COL23A1: variants seen among roughly 807,000 people sequenced by gnomAD.
COL23A1 encodes the protein collagen alpha-1(XXIII) chain.
In COL23A1, 97 loss-of-function variants were observed where a neutral mutation model predicts 99.3. The ratio of observed to expected loss-of-function variants is 0.98; its 90% CI spans 0.83 to 1.16. The LOEUF is 1.16. Among genes scored for constraint, COL23A1 ranks in the 50% most tolerant of loss-of-function variants. COL23A1 has a pLI of 0.00. For missense variants in COL23A1, 762 were observed against 757.4 expected (o/e 1.01, Z -0.07); for synonymous variants, 320 against 308.2 (o/e 1.04, Z -0.40).
In COL23A1 at chr5:178,259,933, C is replaced by A. The variant is rs28397100; in HGVS notation, c.703-186G>T. ...TTGAATTCCACTTCTGAGCCACTCA[C>A]TCCCAAGCTCAATGACCCTGGGCAA... On this transcript the variant is annotated intron_variant, in intron 11 of 28. Transcript: ENST00000390654. 3.8e-3 allele frequency among the ~76,000 whole-genome samples: 586 copies of A among 152,340 alleles called. 2 individuals are homozygous for A. The highest frequency in any genetic ancestry group is 0.013 in the African/African-American group (524 of 41,576).
chr5:178,354,781 G>A (rs532359108), intron 2 of COL23A1, among the ~76,000 whole-genome samples: 1 of 152,274 alleles, frequency 6.6e-6, no homozygotes, highest in Admixed American at 6.5e-5. Flanking sequence ...TTTAGGTTGG[G>A]TGTGGTGGCT....
At chr5:178,573,227 CA>C (rs887293572) in intron 1 of COL23A1, among the ~76,000 whole-genome samples, 1 of 152,146 alleles carries the variant, frequency 6.6e-6, no homozygotes, top group Admixed American at 6.5e-5. Context: ...AAAAAAAAGG[CA>C]AACAACAAAA....
intron 3 of COL23A1, among the ~76,000 whole-genome samples, chr5:178,296,487 C>T (rs760324479): frequency 1.3e-5 from 2 of 152,176 alleles, no homozygotes; most frequent in Non-Finnish European, 2.9e-5. Context: ...ACGACCCCCG[C>T]GGATCCCACG....
intron 2 of COL23A1, among the ~76,000 whole-genome samples, chr5:178,543,711 C>T (rs986376084): frequency 4.6e-5 from 7 of 152,114 alleles, no homozygotes; most frequent in Non-Finnish European, 8.8e-5. Context: ...TTCACCAAAA[C>T]GGCCTGTCTT....
chr5:178,308,682 T>C lies in COL23A1; in HGVS notation c.362-1763A>G, dbSNP rs1008314266. On this transcript the variant is annotated intron_variant, in intron 2 of 28. Coordinates refer to ENST00000390654, the MANE Select transcript of COL23A1 (RefSeq NM_173465.4). This position sits in a 1 kb window ranked among gnomAD's most constrained non-coding sequence, Gnocchi z 5.1. ...TTGTCCCACCAGCATCTCAGACCAG[T>C]TGTGGCCCAAACACCTGCCTTGGTC... 3.9e-5 allele frequency among the ~76,000 whole-genome samples: 6 copies of C among 152,174 alleles called. No homozygotes were observed. Among genetic ancestry groups the C allele is most frequent in the Non-Finnish European group, 7.4e-5 (5 of 68,016 alleles).
rs148654978 is a variant in COL23A1 at position 178,402,838 on chromosome 5, T to C, written c.362-95919A>G. On this transcript the variant is annotated intron_variant, in intron 2 of 28. Transcript: ENST00000390654. ...TTCCTCCAAATATGTACATCTGTTA[T>C]GTATCAATTTGAAAAATTCAGAAAT... Among the ~76,000 whole-genome samples the C allele has an allele frequency of 4.6e-3, 705 of 152,270 alleles. 2 individuals are homozygous for C. Among genetic ancestry groups the C allele is most frequent in the Non-Finnish European group, 6.8e-3 (465 of 68,024 alleles).
At chr5:178,335,828 G>A (rs1318356598) in intron 2 of COL23A1, among the ~76,000 whole-genome samples, 1 of 152,220 alleles carries the variant, frequency 6.6e-6, no homozygotes, top group Non-Finnish European at 1.5e-5. Context: ...AAGTTGCAAA[G>A]TTCACTGGCA....
intron 2 of COL23A1, among the ~76,000 whole-genome samples, chr5:178,489,254 G>A (rs891475689): frequency 2.0e-5 from 3 of 152,186 alleles, no homozygotes; most frequent in Admixed American, 2.0e-4. Context: ...CTCCCTTCTG[G>A]AGGGAGACAC....
chr5:178,494,056 C>T (rs1033711584), intron 2 of COL23A1, among the ~76,000 whole-genome samples: 5 of 152,236 alleles, frequency 3.3e-5, no homozygotes, highest in Non-Finnish European at 4.4e-5. Context: ...TTTGTTTTGG[C>T]ATTCAGATCT....
At chr5:178,390,533 C>T (rs575051612) in intron 2 of COL23A1, among the ~76,000 whole-genome samples, 1 of 152,240 alleles carries the variant, frequency 6.6e-6, no homozygotes, top group African/African-American at 2.4e-5. Context: ...AGGGCAGAGA[C>T]AGCACAATAG....
chr5:178,390,796 A>T (rs763257002), intron 2 of COL23A1, among the ~76,000 whole-genome samples: 3 of 152,242 alleles, frequency 2.0e-5, no homozygotes, highest in Non-Finnish European at 2.9e-5. Flanking sequence ...GGTGGATCAG[A>T]CTTACATGTA....
At chr5:178,334,978 G>A (rs372332037) in intron 2 of COL23A1, among the ~76,000 whole-genome samples, 32 of 152,322 alleles carry the variant, frequency 2.1e-4, no homozygotes, top group African/African-American at 7.2e-4. Context: ...AGCACGTTCC[G>A]ACATTCTGTT....
In COL23A1 at chr5:178,249,220, G is replaced by A; in HGVS notation, c.1060-14C>T. ...TCCTTTGGGGCCCTGAAAGCCATAA[G>A]CACAAGGGATGAGTGGGGCTCAGGA... On this transcript the variant is annotated splice_polypyrimidine_tract_variant and intron_variant, in intron 18 of 28. Coordinates refer to ENST00000390654, the MANE Select transcript of COL23A1 (RefSeq NM_173465.4). 6.2e-7 allele frequency: 1 copy of A among 1,613,502 alleles called. No homozygotes were observed. The highest frequency in any genetic ancestry group is 8.5e-7 in the Non-Finnish European group (1 of 1,179,380).
chr5:178,257,699 C>T (rs1765385454), intron 12 of COL23A1, 132 bp from the exon 13 acceptor site: 1 of 894,432 alleles, frequency 1.1e-6, no homozygotes, highest in Non-Finnish European at 1.8e-6. Flanking sequence ...GGCAGCTCCT[C>T]CCCACCCTCC....
At position 178,277,775 on chromosome 5, in the gene COL23A1, C is replaced by T. The variant is rs201667883; in HGVS notation, c.442-7412G>A. Among the ~76,000 whole-genome samples the T allele has an allele frequency of 6.2e-3, 489 of 79,198 alleles. 2 individuals carry two copies. The highest frequency in any genetic ancestry group is 0.023 in the African/African-American group (463 of 20,066). The allele number at this position is 79,198 out of a possible 152,430, so 52.0% of individuals were successfully genotyped here. A position where few individuals can be genotyped will look rare whatever the true frequency, so the allele number is the denominator to read the frequency against. On this transcript the variant is annotated intron_variant, in intron 5 of 28. Transcript: ENST00000390654. ...TGTTTACAGCACTGTGCCTTTGAAC[C>T]GATCCCAAAAATACCTGCTGAAATG...
chr5:178,463,853 T>C (rs1229121443), intron 2 of COL23A1, among the ~76,000 whole-genome samples: 1 of 152,174 alleles, frequency 6.6e-6, no homozygotes, highest in East Asian at 1.9e-4. Flanking sequence ...GCCTGCCTGG[T>C]CCATGCAGCG....
At chr5:178,510,841 A>T (rs962735409) in intron 2 of COL23A1, among the ~76,000 whole-genome samples, 5 of 152,198 alleles carry the variant, frequency 3.3e-5, no homozygotes, top group African/African-American at 1.2e-4. Flanking sequence ...TATCTGTACA[A>T]GCAAAAACCT....
chr5:178,344,796 C>G, intron 2 of COL23A1: 4 of 571,738 alleles, frequency 7.0e-6, no homozygotes, highest in South Asian at 6.3e-5. Context: ...TTCCAAATTT[C>G]TCTTTGTTAA....
rs867471692 is a variant in COL23A1 at position 178,577,274 on chromosome 5, A to G, written c.294+12630T>C. Among the ~76,000 whole-genome samples, 42 of 152,144 alleles carry G rather than the reference A, an allele frequency of 2.8e-4. 1 individual carries two copies. Among genetic ancestry groups the G allele is most frequent in the Middle Eastern group, 3.4e-3 (1 of 294 alleles). On this transcript the variant is annotated intron_variant, in intron 1 of 28. Transcript: ENST00000390654. Reference sequence around the variant, plus strand: ...CCCTCTCCCTGCGGCTGGTGGTCCCAGCGTGCTGGCCGCGTCTCCCCTCTT... The same window carrying G: ...CCCTCTCCCTGCGGCTGGTGGTCCCGGCGTGCTGGCCGCGTCTCCCCTCTT...
Sources: allele counts gnomAD v4.1 joint callset (sites outside exome capture counted in the v4.1 genomes callset), GRCh38; gene constraint gnomAD v4.1.1; non-coding constraint Gnocchi (gnomAD v3.1); transcripts MANE v1.5; gene names NCBI Gene and HGNC (gene_info 2026-07-23, HGNC 2026-07-21).